SEMA3E: variants seen among roughly 807,000 people sequenced by gnomAD.
SEMA3E encodes the protein semaphorin 3E.
A neutral mutation model predicts 93.6 loss-of-function variants in SEMA3E; 49 were observed. That is an observed-to-expected ratio of 0.52 (90% CI 0.42 to 0.66). SEMA3E has a LOEUF of 0.66. Among genes scored for constraint, SEMA3E ranks in the 30% least tolerant of loss-of-function variants. The probability of loss-of-function intolerance (pLI) is 0.00; values close to 1 mark genes in which losing one functional copy is unlikely to be tolerated. For missense variants in SEMA3E, 906 were observed against 964.8 expected (o/e 0.94, Z 0.81); for synonymous variants, 363 against 330.7 (o/e 1.10, Z -1.06).
In SEMA3E at chr7:83,636,007, T is replaced by C. The variant is rs1002685667; in HGVS notation, c.115+12421A>G. On this transcript the variant is annotated intron_variant, in intron 1 of 16. Coordinates refer to ENST00000643230, the MANE Select transcript of SEMA3E (RefSeq NM_012431.3). ...CTGCTTTGTCATGGTATTCTTGTAT[T>C]CATTCTTTTTCTCTGTTTCTTCATA... 2.2e-4 allele frequency among the ~76,000 whole-genome samples: 34 copies of C among 152,126 alleles called. 1 individual carries two copies. Among genetic ancestry groups the C allele is most frequent in the African/African-American group, 7.7e-4 (32 of 41,418 alleles).
chr7:83,645,778 TC>T (rs1469877754), intron 1 of SEMA3E, among the ~76,000 whole-genome samples: 1 of 151,754 alleles, frequency 6.6e-6, no homozygotes, highest in Non-Finnish European at 1.5e-5. Flanking sequence ...ATCCTAATGA[TC>T]CCTTCCTTTC....
intron 1 of SEMA3E, among the ~76,000 whole-genome samples, chr7:83,580,484 TCTTTA>T (rs1288989024): frequency 6.6e-6 from 1 of 151,970 alleles, no homozygotes; most frequent in African/African-American, 2.4e-5. Flanking sequence ...CATCCCTACC[TCTTTA>T]CTTTCACTGC....
In SEMA3E at chr7:83,367,828, A is replaced by G. The variant is rs755547573; in HGVS notation, c.2086T>C (p.Cys696Arg). Residue 696 changes from cysteine to arginine, a missense_variant, in exon 17 of 17, where the codon TGT becomes CGT. By Grantham distance (180) the Cys-to-Arg change is radical. Transcript: ENST00000643230. ...TGCGAGATGCTACTCTGAGCAGGAC[A>G]AGGCATCCTGTGATGCCTGTCCTCC... ...DEEDRHHRMP[C>R]PAQSSISQGA... 1.9e-6 allele frequency: 3 copies of G among 1,613,886 alleles called. No individual in the cohort carries two copies. The highest frequency in any genetic ancestry group is 1.1e-5 in the South Asian group (1 of 91,090).
chr7:83,423,778 T>A (rs1254846767), intron 4 of SEMA3E, among the ~76,000 whole-genome samples: 1 of 151,976 alleles, frequency 6.6e-6, no homozygotes, highest in Non-Finnish European at 1.5e-5. Context: ...CCCAAAGTGC[T>A]GGGATTACAG....
At chr7:83,615,604 A>T (rs1793348280) in intron 1 of SEMA3E, among the ~76,000 whole-genome samples, 1 of 152,080 alleles carries the variant, frequency 6.6e-6, no homozygotes, top group Non-Finnish European at 1.5e-5. Context: ...GGTCAAAAAG[A>T]ATAACATTAA....
intron 1 of SEMA3E, among the ~76,000 whole-genome samples, chr7:83,498,227 G>A (rs868754304): frequency 7.9e-5 from 12 of 152,068 alleles, no homozygotes; most frequent in African/African-American, 2.4e-4. Flanking sequence ...TAATGTTTTC[G>A]GGGATTCAAA....
intron 1 of SEMA3E, among the ~76,000 whole-genome samples, chr7:83,535,244 C>G (rs955863117): frequency 6.6e-6 from 1 of 152,138 alleles, no homozygotes; most frequent in Non-Finnish European, 1.5e-5. Context: ...CCATTTGACT[C>G]CACATAAATT....
At chr7:83,566,029 C>T (rs1476148138) in intron 1 of SEMA3E, among the ~76,000 whole-genome samples, 1 of 101,046 alleles carries the variant, frequency 9.9e-6, no homozygotes, top group Non-Finnish European at 1.9e-5. Context: ...TGGAGTCTCA[C>T]TCTGTTGCCC....
In SEMA3E at chr7:83,400,083, T is replaced by C; in HGVS notation, c.1311A>G (p.Ala437=). The change falls in exon 11 of 17, where the codon GCA becomes GCG. Residue 437 remains alanine (A), a synonymous_variant. Transcript: ENST00000643230. ...TDGKYNLKQI[A]VDRVEAEDGQ... Reference sequence around the variant, plus strand: ...CATCCTCAGCTTCCACTCGATCTACTGCTATTTGTTTCAGGTTATATTTTC... The same window carrying C: ...CATCCTCAGCTTCCACTCGATCTACCGCTATTTGTTTCAGGTTATATTTTC... The C allele has an allele frequency of 6.2e-7, 1 of 1,614,092 alleles. No individual in the cohort carries two copies. Among genetic ancestry groups the C allele is most frequent in the East Asian group, 2.2e-5 (1 of 44,866 alleles).
At chr7:83,517,703 G>A (rs918551771) in intron 1 of SEMA3E, among the ~76,000 whole-genome samples, 3 of 152,078 alleles carry the variant, frequency 2.0e-5, no homozygotes, top group Non-Finnish European at 2.9e-5. Context: ...AGAAAAATAG[G>A]GAATGAGGAA....
Position 83,562,464 on chromosome 7 carries a change from T to TTTTTTTTATTTA in SEMA3E, c.116-72191_116-72190insTAAATAAAAAAA, listed in dbSNP as rs149445325. Among the ~76,000 whole-genome samples the TTTTTTTTATTTA allele has an allele frequency of 7.8e-5, 11 of 141,082 alleles. No individual in the cohort carries two copies. The South Asian group carries it at 9.3e-4, about 12-fold the overall frequency. 92.6% of individuals were successfully genotyped at this position (141,082 alleles called of 152,430 possible). Reference sequence around the variant, plus strand: ...CATAGGAAGGCTTTCTGAACTTCCTTTTTATTTATTTATTTATTTATTTAT... The same window carrying TTTTTTTTATTTA: ...CATAGGAAGGCTTTCTGAACTTCCTTTTTTTTTATTTATTTATTTATTTATTTATTTATTTAT... On this transcript the variant is annotated intron_variant, in intron 1 of 16. Transcript: ENST00000643230.
At position 83,613,679 on chromosome 7, in the gene SEMA3E, T is replaced by C. The variant is rs1345671253; in HGVS notation, c.115+34749A>G. Among the ~76,000 whole-genome samples the C allele has an allele frequency of 2.6e-5, 4 of 152,110 alleles. No individual in the cohort carries two copies. In the East Asian group the frequency reaches 5.8e-4, roughly 22 times the overall value. On this transcript the variant is annotated intron_variant, in intron 1 of 16. Transcript: ENST00000643230. Reference sequence around the variant, plus strand: ...TATCTTATTCCTAAGATCAAGATAGTAAAATTAATTTAAAAAATAATAAAC... The same window carrying C: ...TATCTTATTCCTAAGATCAAGATAGCAAAATTAATTTAAAAAATAATAAAC...
Position 83,387,025 on chromosome 7 carries a change from G to A in SEMA3E, c.1693C>T (p.His565Tyr), listed in dbSNP as rs755898122. Reference sequence around the variant, plus strand: ...AAGCACTGCTGAGCTGCATTTCCATGTCGAACATCTTGTCTCCGGAAACGC... The same window carrying A: ...AAGCACTGCTGAGCTGCATTTCCATATCGAACATCTTGTCTCCGGAAACGC... Reference protein sequence around the residue: ...KRRFRRQDVRHGNAAQQCFGQ... With the variant: ...KRRFRRQDVRYGNAAQQCFGQ... The change falls in exon 15 of 17, where the codon CAT becomes TAT. Residue 565 changes from histidine to tyrosine, a missense_variant. By Grantham distance (83) the His-to-Tyr change is moderately conservative. Coordinates refer to ENST00000643230, the MANE Select transcript of SEMA3E (RefSeq NM_012431.3). 6 of 1,613,116 alleles carry A rather than the reference G, an allele frequency of 3.7e-6. No individual in the cohort carries two copies. In the African/African-American group the frequency reaches 8.0e-5, roughly 22 times the overall value.
chr7:83,406,153 GACTTTTTT>G (rs1788325446), intron 7 of SEMA3E, 94 bp from the exon 8 acceptor site: 1 of 906,056 alleles, frequency 1.1e-6, no homozygotes, highest in East Asian at 2.5e-5. Context: ...CAAGAGTTAT[GACTTTTTT>G]ATTTAACTAG....
chr7:83,421,966 T>C (rs2713142), intron 4 of SEMA3E, among the ~76,000 whole-genome samples: 81,035 of 151,924 alleles, frequency 0.53, 23,442 homozygotes, highest in East Asian at 0.84. Flanking sequence ...TCACCTGAGG[T>C]TGGGAGTTCG....
At chr7:83,389,336 A>T (rs1419407954) in intron 14 of SEMA3E, among the ~76,000 whole-genome samples, 1 of 151,118 alleles carries the variant, frequency 6.6e-6, no homozygotes, top group Non-Finnish European at 1.5e-5. Flanking sequence ...GAATAAAATC[A>T]ACAAAATGAG....
chr7:83,632,615 T>G (rs1413262535), intron 1 of SEMA3E, among the ~76,000 whole-genome samples: 1 of 152,222 alleles, frequency 6.6e-6, no homozygotes. Flanking sequence ...CATGTGGAAC[T>G]GTAAGTACAT....
At chr7:83,480,516 A>T (rs1283080938) in intron 2 of SEMA3E, among the ~76,000 whole-genome samples, 4 of 152,022 alleles carry the variant, frequency 2.6e-5, no homozygotes, top group Non-Finnish European at 4.4e-5. Flanking sequence ...TTCTTCAAAG[A>T]ATTGTTTGAA....
At chr7:83,595,227 A>C (rs185168393) in intron 1 of SEMA3E, among the ~76,000 whole-genome samples, 29 of 152,236 alleles carry the variant, frequency 1.9e-4, no homozygotes, top group African/African-American at 6.7e-4. Context: ...ATTACTTGCT[A>C]TCAAAAGCAT....
Sources: gnomAD v4.1 joint callset for allele counts (sites outside exome capture counted in the v4.1 genomes callset) on GRCh38, gnomAD v4.1.1 for gene constraint, MANE v1.5 for transcripts, NCBI Gene and HGNC (gene_info 2026-07-23, HGNC 2026-07-21) for gene names.